The following LSM14A variants were observed in gnomAD, a reference collection of about 807,000 sequenced individuals.
The protein encoded by LSM14A is protein LSM14 homolog A.
In LSM14A, 14 loss-of-function variants were observed where a neutral mutation model predicts 52.4. That is an observed-to-expected ratio of 0.27 (90% CI 0.18 to 0.42). The LOEUF (loss-of-function observed/expected upper bound fraction) is 0.42. Among genes scored for constraint, LSM14A ranks in the 10% least tolerant of loss-of-function variants. The pLI is 1.00. For synonymous variants in LSM14A, 185 were observed against 200.3 expected, an observed-to-expected ratio of 0.92 and a Z score of 0.64; for missense variants, 417 against 581.8, an observed-to-expected ratio of 0.72 and a Z score of 2.91.
Position 34,199,558 on chromosome 19 carries a change from A to G in LSM14A, c.415+2795A>G, listed in dbSNP as rs79120720. On this transcript the variant is annotated intron_variant, in intron 3 of 9. Coordinates refer to ENST00000544216, the MANE Select transcript of LSM14A (RefSeq NM_015578.4). Reference sequence around the variant, plus strand: ...TAAATATGGAATGGGAAAGGTGAGAAAGAACCCTGTGGTGCTGAATGTAAA... The same window carrying G: ...TAAATATGGAATGGGAAAGGTGAGAGAGAACCCTGTGGTGCTGAATGTAAA... Among the ~76,000 whole-genome samples, 126 of 152,320 alleles carry G rather than the reference A, an allele frequency of 8.3e-4. 1 individual carries two copies. The East Asian group carries it at 0.024, about 29-fold the overall frequency.
intron 5 of LSM14A, 118 bp downstream of exon 5, chr19:34,215,418 A>C (rs993358074): frequency 5.4e-5 from 65 of 1,204,534 alleles, no homozygotes; most frequent in Non-Finnish European, 1.2e-6. Flanking sequence ...ACTGAATATG[A>C]TAGAATGTTT....
intron 6 of LSM14A, 40 bp downstream of exon 6, chr19:34,215,701 A>G: frequency 7.6e-7 from 1 of 1,324,174 alleles, no homozygotes; most frequent in Non-Finnish European, 1.1e-6. Flanking sequence ...TATGCTTCTC[A>G]ACAGGGAGAA....
intron 3 of LSM14A, among the ~76,000 whole-genome samples, 153 bp downstream of exon 3, chr19:34,196,916 C>A (rs1025085704): frequency 2.8e-4 from 43 of 151,602 alleles, no homozygotes; most frequent in African/African-American, 1.0e-3. Flanking sequence ...TTGATGATAT[C>A]TTAAAGCCTT....
At chr19:34,218,725 T>C (rs1194141258) in intron 6 of LSM14A, among the ~76,000 whole-genome samples, 1 of 152,208 alleles carries the variant, frequency 6.6e-6, no homozygotes, top group East Asian at 1.9e-4. Context: ...ATCATGTCTC[T>C]TATGATTGGC....
intron 1 of LSM14A, among the ~76,000 whole-genome samples, chr19:34,190,237 C>G (rs1774248896): frequency 6.6e-6 from 1 of 152,142 alleles, no homozygotes; most frequent in African/African-American, 2.4e-5. Flanking sequence ...TTGTTCTTCA[C>G]AATACTACAA....
At chr19:34,173,936 TTATTTA>T (rs1355402380) in intron 1 of LSM14A, among the ~76,000 whole-genome samples, 2 of 24,056 alleles carry the variant, frequency 8.3e-5, no homozygotes, top group Admixed American at 3.5e-4. Flanking sequence ...GGTAAATCCT[TTATTTA>T]TTTATTTATT....
At chr19:34,213,567 C>T (rs144404738) in intron 4 of LSM14A, among the ~76,000 whole-genome samples, 162 of 152,056 alleles carry the variant, frequency 1.1e-3, no homozygotes, top group African/African-American at 3.8e-3. Flanking sequence ...GATTTTTTTA[C>T]GTGAAATGAG....
intron 3 of LSM14A, chr19:34,208,150 A>C (rs1290135589): frequency 1.3e-5 from 2 of 152,254 alleles, no homozygotes; most frequent in African/African-American, 4.8e-5. Flanking sequence ...GAAGGTCTAA[A>C]GCACGATAAT....
At chr19:34,223,225 C>CA (rs2073161148) in intron 9 of LSM14A, among the ~76,000 whole-genome samples, 1 of 152,040 alleles carries the variant, frequency 6.6e-6, no homozygotes, top group African/African-American at 2.4e-5. Context: ...GGACTACAGG[C>CA]ATGCACCACC....
At chr19:34,174,924 T>C (rs1022196594) in intron 1 of LSM14A, among the ~76,000 whole-genome samples, 1 of 152,192 alleles carries the variant, frequency 6.6e-6, no homozygotes, top group Admixed American at 6.5e-5. Flanking sequence ...CATTTGAAAA[T>C]TTTAAAGTAT....
rs1390430689 is a variant in LSM14A at position 34,208,945 on chromosome 19, A to G, written c.432A>G (p.Thr144=). The G allele has an allele frequency of 6.2e-7, 1 of 1,600,570 alleles. No individual in the cohort carries two copies. The highest frequency in any genetic ancestry group is 1.7e-5 in the Admixed American group (1 of 57,778). Residue 144 remains threonine (T), a synonymous_variant, in exon 4 of 10, where the codon ACA becomes ACG. Coordinates refer to ENST00000544216, the MANE Select transcript of LSM14A (RefSeq NM_015578.4). ...GAVGVAGSSL[T]SFGTETSNSG... ...CTCTTTAAGCTGGAAGCTCTTTGACATCCTTTGGAACAGAAACATCAAACA... is the reference window on the plus strand; with the variant it reads ...CTCTTTAAGCTGGAAGCTCTTTGACGTCCTTTGGAACAGAAACATCAAACA...
In LSM14A at chr19:34,221,500, A is replaced by G. The variant is rs189910819; in HGVS notation, c.1137-7A>G. ...GATATGCTGAAGATTATTTGCTTTT[A>G]TAATAGAGAACGGAGACCAACCTGG... is the stretch of plus-strand genomic sequence containing the variant. On this transcript the variant is annotated splice_region_variant and splice_polypyrimidine_tract_variant and intron_variant, in intron 8 of 9. Transcript: ENST00000544216. 4.5e-5 allele frequency: 72 copies of G among 1,611,446 alleles called. No homozygotes were observed. In the East Asian group the frequency reaches 8.0e-4, roughly 18 times the overall value.
rs1568498334 is a variant in LSM14A, at chr19:34,217,617, G to GT, written c.782-1773dup. Among the ~76,000 whole-genome samples, 177 of 36,692 alleles carry GT rather than the reference G, an allele frequency of 4.8e-3. 3 individuals carry two copies. Among genetic ancestry groups the GT allele is most frequent in the Non-Finnish European group, 6.3e-3 (136 of 21,592 alleles). 24.1% of individuals were successfully genotyped at this position (36,692 alleles called of 152,430 possible). The stretch of plus-strand genomic sequence containing the variant: ...ATATATTTTTATATCCCCCCCCCCC[G>GT]TGTTTTTTTTTTTTTTTTTTTTTTT... On this transcript the variant is annotated intron_variant, in intron 6 of 9. Transcript: ENST00000544216.
intron 3 of LSM14A, among the ~76,000 whole-genome samples, chr19:34,201,665 G>A (rs1447020906): frequency 6.6e-6 from 1 of 152,052 alleles, no homozygotes; most frequent in Non-Finnish European, 1.5e-5. Flanking sequence ...TTGGCACAAA[G>A]TAAACCACAT....
At position 34,210,517 on chromosome 19, in the gene LSM14A, C is replaced by G. The variant is rs377480031; in HGVS notation, c.538+1466C>G. On this transcript the variant is annotated intron_variant, in intron 4 of 9. Transcript: ENST00000544216. The stretch of plus-strand genomic sequence containing the variant: ...AAACTCCTGACCTCAAGTGATCCAC[C>G]TGCCTTGGCCTCCCAAAGTGCTGGG... Among the ~76,000 whole-genome samples, 61 of 152,316 alleles carry G rather than the reference C, an allele frequency of 4.0e-4. No homozygotes were observed. In the South Asian group the frequency reaches 4.3e-3, roughly 11 times the overall value.
rs183983685 is a variant in LSM14A at position 34,215,333 on chromosome 19, G to T, written c.715+33G>T. On this transcript the variant is annotated intron_variant, in intron 5 of 9. Transcript: ENST00000544216. ...TTTAGCTGTTTACTGTTCCTTAATT[G>T]ACTGATCAATGTTTTCCACTCACTT... The T allele has an allele frequency of 2.2e-5, 34 of 1,553,546 alleles. No homozygotes were observed. In the East Asian group the frequency reaches 3.7e-4, roughly 17 times the overall value.
At chr19:34,175,484 A>G (rs580137) in intron 1 of LSM14A, among the ~76,000 whole-genome samples, 92,398 of 152,068 alleles carry the variant, frequency 0.61, 28,869 homozygotes, top group African/African-American at 0.68. Flanking sequence ...CACCTGCCTC[A>G]GCCTCCCAGA....
chr19:34,221,996 T>A, intron 9 of LSM14A: 1 of 307,922 alleles, frequency 3.2e-6, no homozygotes, highest in Non-Finnish European at 4.8e-6. Flanking sequence ...AGGAAGCACA[T>A]ACTCCCAGAA....
At chr19:34,216,715 C>T (rs989789451) in intron 6 of LSM14A, among the ~76,000 whole-genome samples, 9 of 152,146 alleles carry the variant, frequency 5.9e-5, no homozygotes, top group African/African-American at 1.9e-4. Flanking sequence ...ACCTCAGCCT[C>T]CCGAAGTATT....
Sources: allele counts gnomAD v4.1 joint callset (sites outside exome capture counted in the v4.1 genomes callset), GRCh38; gene constraint gnomAD v4.1.1; transcripts MANE v1.5; gene names NCBI Gene and HGNC (gene_info 2026-07-23, HGNC 2026-07-21).